The following TENM3 variants were observed in gnomAD, a reference collection of about 807,000 sequenced individuals.
TENM3 encodes the protein teneurin-3.
Under a neutral mutation model 255.1 loss-of-function variants are expected in TENM3, and 63 were observed. That is an observed-to-expected ratio of 0.25 (90% CI 0.20 to 0.30). The LOEUF (loss-of-function observed/expected upper bound fraction) is 0.30, where lower values mean the gene tolerates loss of function less well. TENM3 is among the 10% of genes least tolerant of loss of function. The probability of loss-of-function intolerance (pLI) is 1.00; values close to 1 mark genes in which losing one functional copy is unlikely to be tolerated. For missense variants in TENM3, 2,929 were observed against 3,461.1 expected (o/e 0.85, Z 3.86); for synonymous variants, 1,306 against 1,322.3 (o/e 0.99, Z 0.27).
chr4:182,020,808 G>A, the TENM3 span, among the ~76,000 whole-genome samples: 1 of 152,078 alleles, frequency 6.6e-6, no homozygotes, highest in Non-Finnish European at 1.5e-5. Flanking sequence ...ACTCATTTTT[G>A]CACTCACTCT....
At chr4:182,170,907 A>G (rs1237171152) in intron 1 of TENM3, among the ~76,000 whole-genome samples, 2 of 152,148 alleles carry the variant, frequency 1.3e-5, no homozygotes, top group Non-Finnish European at 2.9e-5. Context: ...AATTAAAACT[A>G]TCTAATGCGA....
chr4:182,257,450 C>T (rs529389650), intron 1 of TENM3, among the ~76,000 whole-genome samples: 4 of 151,982 alleles, frequency 2.6e-5, no homozygotes, highest in African/African-American at 7.2e-5. Flanking sequence ...TGGGTCATGG[C>T]GTTACTGTCT....
intron 14 of TENM3, among the ~76,000 whole-genome samples, 165 bp downstream of exon 14, chr4:182,729,346 T>C (rs1051071720): frequency 1.3e-5 from 2 of 152,340 alleles, no homozygotes; most frequent in Admixed American, 1.3e-4. Context: ...TCAAGCATTT[T>C]TGACACAGTT....
intron 3 of TENM3, among the ~76,000 whole-genome samples, chr4:182,445,728 A>G (rs1430533257): frequency 6.6e-6 from 1 of 152,178 alleles, no homozygotes; most frequent in East Asian, 1.9e-4. Context: ...TTCAGTTTTA[A>G]GTAAAATTCA....
At chr4:182,031,125 G>T in the TENM3 span, among the ~76,000 whole-genome samples, 4 of 152,052 alleles carry the variant, frequency 2.6e-5, no homozygotes, top group African/African-American at 9.7e-5. Flanking sequence ...TGAAATCTTT[G>T]CCTATGCCTA....
chr4:182,168,881 T>C (rs560694345), intron 1 of TENM3, among the ~76,000 whole-genome samples: 3 of 152,168 alleles, frequency 2.0e-5, no homozygotes, highest in Non-Finnish European at 4.4e-5. Flanking sequence ...AAAAAATTCA[T>C]GTATATGTTC....
At chr4:182,282,894 G>GAAAAAAAAAAAAA (rs35385277) in intron 1 of TENM3, among the ~76,000 whole-genome samples, 1 of 70,954 alleles carries the variant, frequency 1.4e-5, no homozygotes, top group Non-Finnish European at 2.8e-5. Context: ...CTCCATTTCA[G>GAAAAAAAAAAAAA]AAAAAAAAAA....
chr4:182,203,632 T>C (rs1754350197), intron 1 of TENM3, among the ~76,000 whole-genome samples: 1 of 152,184 alleles, frequency 6.6e-6, no homozygotes, highest in African/African-American at 2.4e-5. Context: ...TTGCTGGGCC[T>C]GTATCCTCCC....
intron 2 of TENM3, among the ~76,000 whole-genome samples, chr4:182,339,738 C>A (rs953895963): frequency 6.6e-6 from 1 of 152,132 alleles, no homozygotes; most frequent in Non-Finnish European, 1.5e-5. Flanking sequence ...AAACACCTGC[C>A]GCTTTATGCC....
the TENM3 span, among the ~76,000 whole-genome samples, chr4:182,013,998 A>G: frequency 4.5e-4 from 32 of 71,542 alleles, 1 homozygote; most frequent in East Asian, 1.1e-3. Context: ...GTATATACAC[A>G]TATATACGTA....
the TENM3 span, among the ~76,000 whole-genome samples, chr4:181,674,695 C>T: frequency 6.6e-6 from 1 of 151,794 alleles, no homozygotes; most frequent in African/African-American, 2.4e-5. Flanking sequence ...TTTTTCAGAC[C>T]AGGATTGTTC....
At chr4:182,734,597 A>G (rs4557308) in intron 16 of TENM3, among the ~76,000 whole-genome samples, 27,895 of 152,144 alleles carry the variant, frequency 0.18, 3,318 homozygotes, top group Non-Finnish European at 0.26. Context: ...CACATTAGAC[A>G]GGGATTGGAA....
intron 12 of TENM3, among the ~76,000 whole-genome samples, chr4:182,706,096 A>G (rs1296193951): frequency 6.6e-6 from 1 of 152,152 alleles, no homozygotes; most frequent in East Asian, 1.9e-4. Context: ...TTTTTATTCC[A>G]GTAAATTCCT....
chr4:182,372,562 C>G (rs180723166), intron 3 of TENM3, among the ~76,000 whole-genome samples: 1 of 151,868 alleles, frequency 6.6e-6, no homozygotes, highest in Non-Finnish European at 1.5e-5. Context: ...TGCATCTTAG[C>G]GGAGCTCAAG....
chr4:182,311,423 T>G (rs548601961), intron 1 of TENM3, among the ~76,000 whole-genome samples: 7 of 152,332 alleles, frequency 4.6e-5, no homozygotes, highest in Middle Eastern at 3.4e-3. Flanking sequence ...CTCTCTTTTT[T>G]ACTTCTTAAA....
At chr4:182,674,702 G>A (rs556390400) in intron 7 of TENM3, among the ~76,000 whole-genome samples, 1 of 151,352 alleles carries the variant, frequency 6.6e-6, no homozygotes, top group African/African-American at 2.4e-5. Flanking sequence ...CAGCCTCCTG[G>A]GTAGCTGGGA....
chr4:182,792,562 A>G lies in TENM3; in HGVS notation c.5890A>G (p.Thr1964Ala). 6.2e-7 allele frequency: 1 copy of G among 1,614,050 alleles called. No individual in the cohort carries two copies. The highest frequency in any genetic ancestry group is 1.1e-5 in the South Asian group (1 of 91,084). Residue 1964 changes from threonine (T) to alanine (A), a missense_variant, in exon 26 of 28, where the codon ACA becomes GCA. Transcript: ENST00000511685. This position sits in a 1 kb window ranked among gnomAD's most constrained non-coding sequence, Gnocchi z 6.3. Reference sequence around the variant, plus strand: ...GCTCTCAGAAATTTTATATGATAGCACAAGAGTCAGTTTTACCTATGATGA... The same window carrying G: ...GCTCTCAGAAATTTTATATGATAGCGCAAGAGTCAGTTTTACCTATGATGA... Reference protein sequence around the residue: ...TRLSEILYDSTRVSFTYDETA... With the variant: ...TRLSEILYDSARVSFTYDETA...
At chr4:182,633,147 G>T (rs1198056474) in intron 5 of TENM3, among the ~76,000 whole-genome samples, 2 of 151,942 alleles carry the variant, frequency 1.3e-5, no homozygotes, top group Non-Finnish European at 2.9e-5. Flanking sequence ...TCCTAGATTG[G>T]TCTCAAACTC....
upstream of TENM3, chr4:182,143,352 G>C (rs1749616490): frequency 6.0e-6 from 1 of 166,956 alleles, no homozygotes; most frequent in Non-Finnish European, 1.5e-5. The surrounding 1 kb of genome is among the most constrained non-coding windows in gnomAD (Gnocchi z 4.3). Flanking sequence ...AAGGTCATTT[G>C]CGCTTTTCGG....
Sources: allele counts gnomAD v4.1 joint callset (sites outside exome capture counted in the v4.1 genomes callset), GRCh38; gene constraint gnomAD v4.1.1; non-coding constraint Gnocchi (gnomAD v3.1); transcripts MANE v1.5; gene names NCBI Gene and HGNC (gene_info 2026-07-23, HGNC 2026-07-21).